The following ASIC2 variants were observed in gnomAD, a reference collection of about 807,000 sequenced individuals.
The protein encoded by ASIC2 is acid-sensing ion channel 2.
Under a neutral mutation model 57.3 loss-of-function variants are expected in ASIC2, and 25 were observed. That is an observed-to-expected ratio of 0.44 (90% CI 0.32 to 0.61). ASIC2 has a LOEUF of 0.61. Among genes scored for constraint, ASIC2 ranks in the 20% least tolerant of loss-of-function variants. ASIC2 has a pLI of 0.06. For missense variants in ASIC2, 641 were observed against 738.1 expected (o/e 0.87, Z 1.52); for synonymous variants, 319 against 307.5 (o/e 1.04, Z -0.39).
Position 33,015,642 on chromosome 17 carries a change from A to G in ASIC2, c.1590+329T>C, listed in dbSNP as rs578065283. Among the ~76,000 whole-genome samples the G allele has an allele frequency of 3.3e-5, 5 of 152,258 alleles. No homozygotes were observed. In the East Asian group the frequency reaches 9.7e-4, roughly 29 times the overall value. ...CCACCACTGGGGAATAAGGGAGTAGATGTACAGAGCCTGTCCAGTTCTCCC... is the reference window on the plus strand; with the variant it reads ...CCACCACTGGGGAATAAGGGAGTAGGTGTACAGAGCCTGTCCAGTTCTCCC... On this transcript the variant is annotated intron_variant, in intron 9 of 9. Coordinates refer to ENST00000225823, the MANE Select transcript of ASIC2 (RefSeq NM_183377.2).
chr17:33,290,309 G>A (rs761796103), intron 1 of ASIC2, among the ~76,000 whole-genome samples: 1 of 152,228 alleles, frequency 6.6e-6, no homozygotes, highest in African/African-American at 2.4e-5. Flanking sequence ...GAGGATCTCA[G>A]GAGTGATGAA....
rs899372780 is a variant in ASIC2, at chr17:33,437,923, G to C, written c.556-325856C>G. On this transcript the variant is annotated intron_variant, in intron 1 of 9. Transcript: ENST00000359872. ...ATTTGAAGAGATTATCCAATGACTA[G>C]GTTGAAGTCATGAGAGTAAACTACA... Among the ~76,000 whole-genome samples the C allele has an allele frequency of 3.3e-5, 5 of 152,300 alleles. 1 individual carries two copies. The South Asian group carries it at 1.0e-3, about 32-fold the overall frequency.
At chr17:34,134,993 AC>A (rs1430722595) in intron 1 of ASIC2, among the ~76,000 whole-genome samples, 2 of 152,226 alleles carry the variant, frequency 1.3e-5, no homozygotes, top group Non-Finnish European at 2.9e-5. Flanking sequence ...GCTATAGCCA[AC>A]CACAGGTCAT....
intron 1 of ASIC2, among the ~76,000 whole-genome samples, chr17:33,300,104 C>A (rs1905890238): frequency 6.6e-6 from 1 of 152,178 alleles, no homozygotes; most frequent in South Asian, 2.1e-4. Flanking sequence ...TAAAAAGTTT[C>A]TCCACCCCAT....
chr17:33,612,432 C>A (rs1225733610), intron 1 of ASIC2, among the ~76,000 whole-genome samples: 2 of 152,112 alleles, frequency 1.3e-5, no homozygotes, highest in African/African-American at 2.4e-5. Context: ...CCTGGCCAAA[C>A]AATGAGGAAG....
chr17:33,661,071 C>G (rs1359201319), intron 1 of ASIC2, among the ~76,000 whole-genome samples: 1 of 152,164 alleles, frequency 6.6e-6, no homozygotes, highest in Non-Finnish European at 1.5e-5. Flanking sequence ...TTTGACCCAG[C>G]TCCCGGGGAG....
chr17:33,634,507 TTTTTTTC>T (rs1906281550), intron 1 of ASIC2, among the ~76,000 whole-genome samples: 1 of 139,048 alleles, frequency 7.2e-6, no homozygotes, highest in South Asian at 2.3e-4. Context: ...GAGAAAAACT[TTTTTTTC>T]TTTTTTTTTT....
Position 34,088,954 on chromosome 17 carries a change from C to G in ASIC2, c.555+67024G>C, listed in dbSNP as rs142956707. ...TGCCGTCTGTCACCCCTTTCTTTGACTAGGAAAGGGAACCTCCTGACCCCT... is the reference window on the plus strand; with the variant it reads ...TGCCGTCTGTCACCCCTTTCTTTGAGTAGGAAAGGGAACCTCCTGACCCCT... On this transcript the variant is annotated intron_variant, in intron 1 of 9. Coordinates refer to the ASIC2 transcript ENST00000359872. 9.9e-4 allele frequency among the ~76,000 whole-genome samples: 151 copies of G among 152,324 alleles called. 2 individuals are homozygous for G. The East Asian group carries it at 0.029, about 29-fold the overall frequency.
At chr17:33,180,248 A>C (rs569483609) in intron 1 of ASIC2, among the ~76,000 whole-genome samples, 2 of 152,364 alleles carry the variant, frequency 1.3e-5, no homozygotes, top group East Asian at 3.9e-4. Context: ...ATCCCTGAGC[A>C]TTCCAGTTGC....
intron 1 of ASIC2, among the ~76,000 whole-genome samples, chr17:33,595,384 CAGG>C (rs1904950307): frequency 6.6e-6 from 1 of 152,310 alleles, no homozygotes; most frequent in African/African-American, 2.4e-5. Context: ...AACAAGATCT[CAGG>C]AGACAAGAGG....
chr17:33,811,236 C>T (rs1431900455), intron 1 of ASIC2, among the ~76,000 whole-genome samples: 3 of 152,218 alleles, frequency 2.0e-5, no homozygotes, highest in African/African-American at 7.2e-5. Context: ...GTGTCTATCA[C>T]TTCTGGCCCT....
chr17:33,355,040 T>G (rs1908324125), intron 1 of ASIC2, among the ~76,000 whole-genome samples: 1 of 152,142 alleles, frequency 6.6e-6, no homozygotes, highest in South Asian at 2.1e-4. Flanking sequence ...GTTGTGTCCA[T>G]GTGTGTAAGT....
At chr17:34,116,792 T>TA (rs1432860672) in intron 1 of ASIC2, among the ~76,000 whole-genome samples, 1 of 152,102 alleles carries the variant, frequency 6.6e-6, no homozygotes, top group Non-Finnish European at 1.5e-5. Context: ...TTGGCAGTAA[T>TA]AACAATTCCT....
intron 1 of ASIC2, among the ~76,000 whole-genome samples, chr17:33,256,831 CA>C (rs999367836): frequency 2.9e-4 from 43 of 149,652 alleles, no homozygotes; most frequent in Admixed American, 4.6e-4. Flanking sequence ...GACTCCATCT[CA>C]AAAAAAAAAT....
At position 33,210,652 on chromosome 17, in the gene ASIC2, C is replaced by T. The variant is rs147622238; in HGVS notation, c.708+80756G>A. Reference sequence around the variant, plus strand: ...TTTCAAGTCCTGGCTGAGTGAGCACCTTCTACTTAGCAGGGAATATGGGGG... The same window carrying T: ...TTTCAAGTCCTGGCTGAGTGAGCACTTTCTACTTAGCAGGGAATATGGGGG... On this transcript the variant is annotated intron_variant, in intron 1 of 9. Transcript: ENST00000225823. Among the ~76,000 whole-genome samples, 7 of 152,292 alleles carry T rather than the reference C, an allele frequency of 4.6e-5. No homozygotes were observed. The East Asian group carries it at 1.4e-3, about 29-fold the overall frequency.
chr17:34,023,529 G>A (rs1194696558), intron 1 of ASIC2, among the ~76,000 whole-genome samples: 1 of 152,132 alleles, frequency 6.6e-6, no homozygotes, highest in Non-Finnish European at 1.5e-5. Context: ...AAGAAGTGGG[G>A]CCTTTCAGAG....
At chr17:33,505,955 G>C (rs968572694) in intron 1 of ASIC2, among the ~76,000 whole-genome samples, 1 of 152,182 alleles carries the variant, frequency 6.6e-6, no homozygotes, top group African/African-American at 2.4e-5. Context: ...CTTGAAAAAA[G>C]GGATTGCTTT....
chr17:33,844,388 C>T (rs1418145526), intron 1 of ASIC2, among the ~76,000 whole-genome samples: 1 of 152,136 alleles, frequency 6.6e-6, no homozygotes, highest in Non-Finnish European at 1.5e-5. Context: ...TCATAACCTT[C>T]AAGACATGTG....
intron 1 of ASIC2, among the ~76,000 whole-genome samples, chr17:34,140,772 A>G (rs141308323): frequency 1.3e-5 from 2 of 152,330 alleles, no homozygotes; most frequent in African/African-American, 4.8e-5. Context: ...AAGAGAAAAA[A>G]GAGAAAGCTC....
Sources: allele counts gnomAD v4.1 joint callset (sites outside exome capture counted in the v4.1 genomes callset), GRCh38; gene constraint gnomAD v4.1.1; transcripts MANE v1.5; gene names NCBI Gene and HGNC (gene_info 2026-07-23, HGNC 2026-07-21).